UBE2E3: variants seen among roughly 807,000 people sequenced by gnomAD.
UBE2E3 encodes the protein ubiquitin conjugating enzyme E2 E3, also known as ubiquitin-conjugating enzyme E2 E3.
A neutral mutation model predicts 23.6 loss-of-function variants in UBE2E3; 5 were observed. The observed-to-expected ratio is 0.21, with a 90% CI of 0.11 to 0.44. UBE2E3 has a LOEUF of 0.44. Ranked by LOEUF, UBE2E3 falls within the 20% of genes least tolerant of loss-of-function variation. The pLI is 0.99. For synonymous variants in UBE2E3, 78 were observed against 87.5 expected (o/e 0.89, Z 0.60); for missense variants, 81 against 249.8 (o/e 0.32, Z 4.55).
intron 1 of UBE2E3, 89 bp from the exon 2 acceptor site, chr2:180,981,929 G>A (rs1403074336): frequency 4.1e-6 from 4 of 978,444 alleles, no homozygotes; most frequent in Non-Finnish European, 6.0e-6. Flanking sequence ...TTCATTACAA[G>A]ACGATTTTAG....
At chr2:181,056,053 A>T (rs1686979295) in intron 3 of UBE2E3, among the ~76,000 whole-genome samples, 1 of 147,018 alleles carries the variant, frequency 6.8e-6, no homozygotes. Context: ...CAAGGATGGG[A>T]TTCCTTATGC....
chr2:180,987,815 T>C (rs1430916165), intron 3 of UBE2E3, among the ~76,000 whole-genome samples: 1 of 152,098 alleles, frequency 6.6e-6, no homozygotes, highest in East Asian at 1.9e-4. Context: ...ACTTTGCTAC[T>C]TAAAAGAGTG....
intron 3 of UBE2E3, among the ~76,000 whole-genome samples, chr2:181,021,632 T>TTTCC (rs544002192): frequency 0.2 from 8,067 of 39,908 alleles, 867 homozygotes; most frequent in Middle Eastern, 0.33. Context: ...CCCTCCCTTT[T>TTTCC]TTCCTTCCTT....
chr2:181,023,672 A>G (rs1685779538), intron 3 of UBE2E3, among the ~76,000 whole-genome samples: 1 of 152,200 alleles, frequency 6.6e-6, no homozygotes, highest in African/African-American at 2.4e-5. Context: ...GGCATCCAAT[A>G]TAGCAAAGGG....
At chr2:180,989,628 T>C (rs1684594601) in intron 3 of UBE2E3, among the ~76,000 whole-genome samples, 1 of 152,184 alleles carries the variant, frequency 6.6e-6, no homozygotes. Context: ...GGAAACATTT[T>C]CCAAAAGAGT....
chr2:181,029,700 C>A (rs181069554), intron 3 of UBE2E3, among the ~76,000 whole-genome samples: 44 of 129,558 alleles, frequency 3.4e-4, no homozygotes, highest in African/African-American at 1.2e-3. Flanking sequence ...TCTTACTTTA[C>A]TGTCTAGGAC....
intron 3 of UBE2E3, among the ~76,000 whole-genome samples, chr2:181,009,889 T>C (rs1174019070): frequency 6.6e-6 from 1 of 152,170 alleles, no homozygotes; most frequent in Non-Finnish European, 1.5e-5. Flanking sequence ...ATTATTAATG[T>C]ATAGCCTATT....
rs551809237 is a variant in UBE2E3, at chr2:180,992,440, A to G, written c.245+8347A>G. Among the ~76,000 whole-genome samples, 6 of 152,328 alleles carry G rather than the reference A, an allele frequency of 3.9e-5. No homozygotes were observed. In the East Asian group the frequency reaches 9.6e-4, roughly 24 times the overall value. ...TTTTTCTGGTTGTGTTGTGATTACAAACAAACCTAGAAGGCTCAGTGGCTC... is the reference window on the plus strand; with the variant it reads ...TTTTTCTGGTTGTGTTGTGATTACAGACAAACCTAGAAGGCTCAGTGGCTC... On this transcript the variant is annotated intron_variant, in intron 3 of 5. Transcript: ENST00000410062.
At position 181,059,613 on chromosome 2, in the gene UBE2E3, TACTA is replaced by T. The variant is rs1213302327; in HGVS notation, c.379-1048_379-1045del. 8.6e-5 allele frequency among the ~76,000 whole-genome samples: 13 copies of T among 151,830 alleles called. 1 individual carries two copies. The highest frequency in any genetic ancestry group is 8.5e-4 in the Admixed American group (13 of 15,220). ...GAAATCTTACACATTTTCTTTTTGG[TACTA>T]ACTCTTTGAAATCTGGTATTTATTT... On this transcript the variant is annotated intron_variant, in intron 4 of 5. Transcript: ENST00000410062.
chr2:180,993,514 A>G (rs1230408670), intron 3 of UBE2E3, among the ~76,000 whole-genome samples: 1 of 152,174 alleles, frequency 6.6e-6, no homozygotes, highest in Non-Finnish European at 1.5e-5. Context: ...TTTGGTCTGA[A>G]TGAAAGGCCT....
chr2:181,013,612 G>A (rs1685396894), intron 3 of UBE2E3, among the ~76,000 whole-genome samples: 1 of 152,150 alleles, frequency 6.6e-6, no homozygotes, highest in South Asian at 2.1e-4. Context: ...CATGTAACCT[G>A]GACTTCTATA....
At chr2:180,992,641 G>A (rs377151189) in intron 3 of UBE2E3, among the ~76,000 whole-genome samples, 6 of 151,410 alleles carry the variant, frequency 4.0e-5, no homozygotes, top group Admixed American at 1.3e-4. Context: ...GACTACAGGC[G>A]CACCCCACCA....
At chr2:180,991,954 C>A (rs1036906813) in intron 3 of UBE2E3, among the ~76,000 whole-genome samples, 14 of 152,198 alleles carry the variant, frequency 9.2e-5, no homozygotes, top group African/African-American at 3.4e-4. Context: ...GTAGCTGGAA[C>A]TGTGGAAAGT....
At position 181,001,535 on chromosome 2, in the gene UBE2E3, A is replaced by G. The variant is rs546451982; in HGVS notation, c.245+17442A>G. On this transcript the variant is annotated intron_variant, in intron 3 of 5. Transcript: ENST00000410062. ...GGGATGGATTGATACAGCACCAGAT[A>G]AGTAGGTTTGCTTAAGCATAAGAGA... Among the ~76,000 whole-genome samples, 4 of 152,280 alleles carry G rather than the reference A, an allele frequency of 2.6e-5. No homozygotes were observed. In the East Asian group the frequency reaches 7.7e-4, roughly 29 times the overall value.
At chr2:181,032,804 C>T (rs1686124952) in intron 3 of UBE2E3, among the ~76,000 whole-genome samples, 1 of 152,152 alleles carries the variant, frequency 6.6e-6, no homozygotes, top group South Asian at 2.1e-4. Context: ...AGCCCAAAAT[C>T]TCCTTAAGCT....
intron 3 of UBE2E3, among the ~76,000 whole-genome samples, chr2:181,026,542 C>T (rs1303537063): frequency 1.3e-5 from 2 of 149,838 alleles, no homozygotes; most frequent in Non-Finnish European, 3.0e-5. Context: ...ATCCTTGATA[C>T]ATGCTTTCCA....
chr2:181,020,400 A>G (rs1162938334), intron 3 of UBE2E3, among the ~76,000 whole-genome samples: 3 of 152,172 alleles, frequency 2.0e-5, no homozygotes, highest in Non-Finnish European at 2.9e-5. Flanking sequence ...CCTCATCTTC[A>G]CTAATTACAT....
chr2:181,021,632 T>TTTCCTTCCCTCCTTCC (rs1685700032), intron 3 of UBE2E3, among the ~76,000 whole-genome samples: 1 of 39,994 alleles, frequency 2.5e-5, no homozygotes, highest in Non-Finnish European at 4.4e-5. Context: ...CCCTCCCTTT[T>TTTCCTTCCCTCCTTCC]TTCCTTCCTT....
intron 3 of UBE2E3, among the ~76,000 whole-genome samples, chr2:181,041,234 C>CAAAAAAAAAAAAA (rs1206207155): frequency 0.02 from 1,531 of 77,108 alleles, 171 homozygotes; most frequent in South Asian, 0.034. Flanking sequence ...GACTCCGTCT[C>CAAAAAAAAAAAAA]AAAAAAAAAA....
Sources: allele counts gnomAD v4.1 joint callset (sites outside exome capture counted in the v4.1 genomes callset), GRCh38; gene constraint gnomAD v4.1.1; transcripts MANE v1.5; gene names NCBI Gene and HGNC (gene_info 2026-07-23, HGNC 2026-07-21).